Variants in RANBP2 observed in about 807,000 individuals in gnomAD.
RANBP2 encodes the protein E3 SUMO-protein ligase RanBP2.
RANBP2 carries 57 observed loss-of-function variants against 303.6 expected under a neutral mutation model. The observed-to-expected ratio is 0.19, with a 90% CI of 0.15 to 0.23. The LOEUF is 0.23. Among genes scored for constraint, RANBP2 ranks in the 10% least tolerant of loss-of-function variants. The pLI is 1.00. For synonymous variants in RANBP2, 1,167 were observed against 1,301.5 expected, an observed-to-expected ratio of 0.90 and a Z score of 2.23; for missense variants, 3,138 against 3,780.8, an observed-to-expected ratio of 0.83 and a Z score of 4.46.
chr2:109,437,154 C>T, the RANBP2 span: 2 of 1,604,434 alleles, frequency 1.2e-6, no homozygotes, highest in East Asian at 4.5e-5. Context: ...CAGGTACCTT[C>T]ACAGGGGCCT....
the RANBP2 span, among the ~76,000 whole-genome samples, chr2:108,861,391 G>A: frequency 6.7e-6 from 1 of 149,250 alleles, no homozygotes; most frequent in Non-Finnish European, 1.5e-5. Context: ...TGTTTTTCTA[G>A]TTCCTGTAGG....
At chr2:108,984,143 G>T in the RANBP2 span, among the ~76,000 whole-genome samples, 6 of 152,068 alleles carry the variant, frequency 3.9e-5, no homozygotes, top group South Asian at 2.1e-4. Context: ...ATGTGTTAAC[G>T]GCCAAGGGAG....
the RANBP2 span, among the ~76,000 whole-genome samples, chr2:109,438,913 C>T: frequency 6.6e-6 from 1 of 152,160 alleles, no homozygotes. Flanking sequence ...CCAATCAGCC[C>T]GGTGTTCTGT....
At chr2:108,919,368 T>C in the RANBP2 span, among the ~76,000 whole-genome samples, 1 of 152,166 alleles carries the variant, frequency 6.6e-6, no homozygotes, top group Non-Finnish European at 1.5e-5. Flanking sequence ...TATTTATTTA[T>C]TTATTTAGAG....
the RANBP2 span, among the ~76,000 whole-genome samples, chr2:109,554,725 C>G: frequency 6.6e-6 from 1 of 152,292 alleles, no homozygotes; most frequent in South Asian, 2.1e-4. Flanking sequence ...ATTCAAGAAC[C>G]TGCTGTACAT....
At chr2:109,030,572 G>A in the RANBP2 span, among the ~76,000 whole-genome samples, 1 of 152,174 alleles carries the variant, frequency 6.6e-6, no homozygotes, top group Non-Finnish European at 1.5e-5. Flanking sequence ...GAAGGAGTGG[G>A]GAGTGGTGGC....
rs757924944 is a variant in RANBP2, at chr2:108,782,737, A to G, written c.9244A>G (p.Met3082Val). 3.1e-6 allele frequency: 5 copies of G among 1,614,116 alleles called. No individual in the cohort carries two copies. The highest frequency in any genetic ancestry group is 2.7e-5 in the African/African-American group (2 of 74,932). ...CGGTGAACCTCTAGGGCGGATAACTATGGAATTATTTTCAAACATTGTTCC... is the reference window on the plus strand; with the variant it reads ...CGGTGAACCTCTAGGGCGGATAACTGTGGAATTATTTTCAAACATTGTTCC... ...ADGEPLGRIT[M>V]ELFSNIVPRT... Residue 3082 changes from methionine to valine, a missense_variant, in exon 28 of 29, where the codon ATG becomes GTG. Around this residue, in one of 20 missense-constraint regions of RANBP2, gnomAD observed 204 missense variants for 228.4 expected, o/e 0.89. Coordinates refer to ENST00000283195, the MANE Select transcript of RANBP2 (RefSeq NM_006267.5).
the RANBP2 span, among the ~76,000 whole-genome samples, chr2:109,160,488 C>A: frequency 6.6e-6 from 1 of 152,346 alleles, no homozygotes; most frequent in East Asian, 1.9e-4. Context: ...AGCTGAAAGA[C>A]CCTCTGGCAG....
the RANBP2 span, among the ~76,000 whole-genome samples, chr2:109,355,216 G>A: frequency 6.6e-6 from 1 of 152,182 alleles, no homozygotes; most frequent in South Asian, 2.1e-4. Flanking sequence ...ACCTGTAAAC[G>A]AAATTGAGCT....
At chr2:109,466,050 T>C in the RANBP2 span, among the ~76,000 whole-genome samples, 1 of 150,022 alleles carries the variant, frequency 6.7e-6, no homozygotes, top group African/African-American at 2.4e-5. Context: ...TCTTTTCATA[T>C]GCTTATCTGC....
chr2:109,467,647 C>T, the RANBP2 span, among the ~76,000 whole-genome samples: 1 of 152,180 alleles, frequency 6.6e-6, no homozygotes, highest in Non-Finnish European at 1.5e-5. Context: ...AAAAGAACAT[C>T]ATGTATTTTT....
At chr2:108,889,371 A>C in the RANBP2 span, among the ~76,000 whole-genome samples, 1 of 152,138 alleles carries the variant, frequency 6.6e-6, no homozygotes, top group Non-Finnish European at 1.5e-5. Flanking sequence ...TGATCTATCT[A>C]ATGCTGAGTG....
the RANBP2 span, among the ~76,000 whole-genome samples, chr2:109,466,452 A>G: frequency 1.3e-5 from 2 of 152,120 alleles, no homozygotes; most frequent in Admixed American, 6.5e-5. Flanking sequence ...GTTTTCTTAT[A>G]AAGTTTTAAG....
At chr2:109,549,743 T>A in the RANBP2 span, among the ~76,000 whole-genome samples, 1 of 152,182 alleles carries the variant, frequency 6.6e-6, no homozygotes, top group Non-Finnish European at 1.5e-5. Context: ...TTTTTTCCTA[T>A]ATATAGACAC....
chr2:108,957,819 T>C, the RANBP2 span, among the ~76,000 whole-genome samples: 2 of 152,256 alleles, frequency 1.3e-5, no homozygotes, highest in Non-Finnish European at 2.9e-5. Flanking sequence ...TTGATGCAGC[T>C]GTTGCCTAGC....
chr2:109,293,711 A>G, the RANBP2 span, among the ~76,000 whole-genome samples: 1 of 152,216 alleles, frequency 6.6e-6, no homozygotes, highest in Non-Finnish European at 1.5e-5. Flanking sequence ...AGCAATGTTC[A>G]TGTTGGCTGT....
chr2:109,382,073 A>G, the RANBP2 span, among the ~76,000 whole-genome samples: 1 of 152,130 alleles, frequency 6.6e-6, no homozygotes, highest in Non-Finnish European at 1.5e-5. Flanking sequence ...GCTTATGAGA[A>G]AGGGGTGTTT....
the RANBP2 span, among the ~76,000 whole-genome samples, chr2:108,981,542 G>A: frequency 6.6e-6 from 1 of 152,292 alleles, no homozygotes; most frequent in East Asian, 1.9e-4. Flanking sequence ...TCCAGGATCC[G>A]GGGCTAGCCA....
chr2:109,419,672 C>T, the RANBP2 span: 2 of 1,545,876 alleles, frequency 1.3e-6, no homozygotes, highest in Non-Finnish European at 8.7e-7. Flanking sequence ...TGTCGGGGTC[C>T]TGTGCCTGCA....
Sources: gnomAD v4.1 joint callset for allele counts (sites outside exome capture counted in the v4.1 genomes callset) on GRCh38, gnomAD v4.1.1 for gene constraint, gnomAD v4.1.1 regional missense constraint, MANE v1.5 for transcripts, NCBI Gene and HGNC (gene_info 2026-07-23, HGNC 2026-07-21) for gene names.